CCDC124: variants seen among roughly 807,000 people sequenced by gnomAD.
The protein encoded by CCDC124 is coiled-coil domain containing 124, also known as coiled-coil domain-containing protein 124.
In CCDC124, 9 loss-of-function variants were observed where a neutral mutation model predicts 19.8. That is an observed-to-expected ratio of 0.45 (90% CI 0.27 to 0.79). The LOEUF is 0.79. CCDC124 is among the 30% of genes least tolerant of loss of function. The pLI is 0.14. For missense variants in CCDC124, 285 were observed against 319.0 expected (o/e 0.89, Z 0.81); for synonymous variants, 126 against 131.3 (o/e 0.96, Z 0.27).
At chr19:17,938,665 C>A (rs2031113235) in intron 2 of CCDC124, among the ~76,000 whole-genome samples, 1 of 152,116 alleles carries the variant, frequency 6.6e-6, no homozygotes, top group Non-Finnish European at 1.5e-5. Context: ...GATCACAGCT[C>A]AATGCAGTCT....
At chr19:17,941,570 G>A (rs1290151484) in intron 2 of CCDC124, among the ~76,000 whole-genome samples, 5 of 151,764 alleles carry the variant, frequency 3.3e-5, no homozygotes, top group Admixed American at 6.6e-5. Context: ...CGCATCGGTC[G>A]GGGAGCCTCG....
In CCDC124 at chr19:17,942,424, C is replaced by G. The variant is rs1474574855; in HGVS notation, c.160-232C>G. Among the ~76,000 whole-genome samples, 1 of 152,204 alleles carries G rather than the reference C, an allele frequency of 6.6e-6. No homozygotes were observed. Among genetic ancestry groups the G allele is most frequent in the Non-Finnish European group, 1.5e-5 (1 of 68,028 alleles). Reference sequence around the variant, plus strand: ...CCCCCTTGGCCGGCGCTCTTCGCACCTAGGAGCGTCACTTCTTCAAGAGCC... The same window carrying G: ...CCCCCTTGGCCGGCGCTCTTCGCACGTAGGAGCGTCACTTCTTCAAGAGCC... On this transcript the variant is annotated intron_variant, in intron 2 of 4. Transcript: ENST00000445755. This position sits in a 1 kb window ranked among gnomAD's most constrained non-coding sequence, Gnocchi z 4.2.
chr19:17,937,186 CAGG>C (rs2031085318), intron 2 of CCDC124, among the ~76,000 whole-genome samples: 1 of 151,758 alleles, frequency 6.6e-6, no homozygotes, highest in Non-Finnish European at 1.5e-5. Flanking sequence ...GAGGCTGAGG[CAGG>C]AGAATTGCTT....
chr19:17,933,816 C>T (rs1344519082), intron 1 of CCDC124, among the ~76,000 whole-genome samples: 3 of 152,232 alleles, frequency 2.0e-5, no homozygotes, highest in African/African-American at 7.2e-5. Context: ...CTTATTAGGA[C>T]TCTGATTGCA....
At position 17,942,679 on chromosome 19, in the gene CCDC124, C is replaced by G. The variant is rs552971144; in HGVS notation, c.183C>G (p.Leu61=). Residue 61 remains leucine, a synonymous_variant, in exon 3 of 5, where the codon CTC becomes CTG. Coordinates refer to ENST00000445755, the MANE Select transcript of CCDC124 (RefSeq NM_001136203.2). The surrounding 1 kb of genome is among the most constrained non-coding windows in gnomAD (Gnocchi z 4.2). ...AGGAGGAGAAGGAGAAGCGGCGCCT[C>G]GACCAGCTGGAACGTAAGAAGGAGA... is the stretch of plus-strand genomic sequence containing the variant. ...QRKEEKEKRR[L]DQLERKKETQ... 17 of 1,556,278 alleles carry G rather than the reference C, an allele frequency of 1.1e-5. No individual in the cohort carries two copies. The highest frequency in any genetic ancestry group is 1.5e-5 in the Non-Finnish European group (17 of 1,150,046).
intron 1 of CCDC124, among the ~76,000 whole-genome samples, chr19:17,936,039 G>A (rs1020385734): frequency 6.6e-6 from 1 of 152,154 alleles, no homozygotes; most frequent in African/African-American, 2.4e-5. Flanking sequence ...TGACTGGCTG[G>A]GAATACGGGT....
chr19:17,936,847 C>T lies in CCDC124; in HGVS notation c.159+268C>T, dbSNP rs190244842. The T allele has an allele frequency of 5.8e-5, 19 of 329,012 alleles. 1 individual carries two copies. The highest frequency in any genetic ancestry group is 1.9e-4 in the Admixed American group (4 of 21,588). 20.4% of individuals were successfully genotyped at this position (329,012 alleles called of 1,614,324 possible). A position where few individuals can be genotyped will look rare whatever the true frequency, so the allele number is the denominator to read the frequency against. On this transcript the variant is annotated intron_variant, in intron 2 of 4. Transcript: ENST00000445755. ...AATACAAAAATTAACTGCGTGGTGG[C>T]GCACACTTACAGTCCCAGCTACTCT... is the stretch of plus-strand genomic sequence containing the variant.
Position 17,942,703 on chromosome 19 carries a change from G to A in CCDC124, c.207G>A (p.Glu69=). The part of the protein sequence containing the change: ...RRLDQLERKK[E]TQRLLEEEDS... ...TCGACCAGCTGGAACGTAAGAAGGA[G>A]ACGCAGCGCCTACTGGAGGAGGAGG... The change falls in exon 3 of 5, where the codon GAG becomes GAA. Residue 69 remains glutamate (E), a synonymous_variant. Transcript: ENST00000445755. This position sits in a 1 kb window ranked among gnomAD's most constrained non-coding sequence, Gnocchi z 4.2. The A allele has an allele frequency of 6.4e-7, 1 of 1,555,164 alleles. No homozygotes were observed. The highest frequency in any genetic ancestry group is 8.7e-7 in the Non-Finnish European group (1 of 1,149,390).
Position 17,942,753 on chromosome 19 carries a change from C to T in CCDC124, c.257C>T (p.Ala86Val), listed in dbSNP as rs2031213294. Residue 86 changes from alanine to valine, a missense_variant, in exon 3 of 5, where the codon GCG becomes GTG. By Grantham distance (64) the Ala-to-Val change is moderately conservative (BLOSUM62 0). Transcript: ENST00000445755. The surrounding 1 kb of genome is among the most constrained non-coding windows in gnomAD (Gnocchi z 4.2). ...GACTCCAAGCTCAAGGGCGGCAAGG[C>T]GCCGCGGGTGGCCACGTCCAGCAAG... Reference protein sequence around the residue: ...EEDSKLKGGKAPRVATSSKVT... With the variant: ...EEDSKLKGGKVPRVATSSKVT... 8 of 1,548,878 alleles carry T rather than the reference C, an allele frequency of 5.2e-6. No individual in the cohort carries two copies. Among genetic ancestry groups the T allele is most frequent in the Non-Finnish European group, 7.0e-6 (8 of 1,146,768 alleles).
chr19:17,943,184 A>C (rs1345669461), intron 3 of CCDC124, 77 bp from the exon 4 acceptor site: 10 of 1,194,316 alleles, frequency 8.4e-6, no homozygotes, highest in African/African-American at 1.5e-5. Context: ...TTCTCTTGCC[A>C]GTCTCTATCT....
chr19:17,943,142 C>G lies in CCDC124; in HGVS notation c.350-119C>G, dbSNP rs1335061817. On this transcript the variant is annotated intron_variant, in intron 3 of 4. Transcript: ENST00000445755. Reference sequence around the variant, plus strand: ...AGCTGAAGTCGCGATTCCATCCCCCCTCATCTCTCCCGCCTTCCTCCCGCC... The same window carrying G: ...AGCTGAAGTCGCGATTCCATCCCCCGTCATCTCTCCCGCCTTCCTCCCGCC... 2.4e-5 allele frequency: 21 copies of G among 877,806 alleles called. No homozygotes were observed. In the East Asian group the frequency reaches 5.5e-4, roughly 23 times the overall value. The allele number at this position is 877,806 out of a possible 1,614,324, so 54.4% of individuals were successfully genotyped here.
intron 1 of CCDC124, among the ~76,000 whole-genome samples, chr19:17,934,302 C>T (rs2031011001): frequency 6.6e-6 from 1 of 151,912 alleles, no homozygotes; most frequent in South Asian, 2.1e-4. Flanking sequence ...AGGAGAATTG[C>T]TTGAACCGGG....
In CCDC124 at chr19:17,933,220, C is replaced by G. The variant is rs62119773; in HGVS notation, c.-12+172C>G. On this transcript the variant is annotated intron_variant, in intron 1 of 4. Transcript: ENST00000445755. Reference sequence around the variant, plus strand: ...ACCTAGTTGGGGGCGATGCCCATTTCCAGACTAGACGATTGAAGCCCGACG... The same window carrying G: ...ACCTAGTTGGGGGCGATGCCCATTTGCAGACTAGACGATTGAAGCCCGACG... 6.0e-3 allele frequency among the ~76,000 whole-genome samples: 914 copies of G among 152,308 alleles called. 6 individuals are homozygous for G. The highest frequency in any genetic ancestry group is 9.7e-3 in the Non-Finnish European group (659 of 68,008).
At chr19:17,933,567 T>G (rs1293561484) in intron 1 of CCDC124, among the ~76,000 whole-genome samples, 1 of 152,146 alleles carries the variant, frequency 6.6e-6, no homozygotes, top group Non-Finnish European at 1.5e-5. Flanking sequence ...ACCTCCTCAC[T>G]AACCCCAGAG....
At position 17,942,132 on chromosome 19, in the gene CCDC124, G is replaced by A. The variant is rs2031197042; in HGVS notation, c.160-524G>A. Among the ~76,000 whole-genome samples the A allele has an allele frequency of 1.3e-5, 2 of 152,130 alleles. No individual in the cohort carries two copies. On this transcript the variant is annotated intron_variant, in intron 2 of 4. Transcript: ENST00000445755. This position sits in a 1 kb window ranked among gnomAD's most constrained non-coding sequence, Gnocchi z 4.2. ...CAGTGACCCACGGCAGGGAAACGTG[G>A]ACAGTGCTGCCCGACTCATAAGGGC...
intron 2 of CCDC124, among the ~76,000 whole-genome samples, chr19:17,941,413 G>T (rs906208202): frequency 1.3e-5 from 2 of 151,912 alleles, no homozygotes; most frequent in Non-Finnish European, 2.9e-5. Flanking sequence ...TTGGGAGGCT[G>T]AGGCATGAGA....
At chr19:17,939,170 G>A (rs985227315) in intron 2 of CCDC124, among the ~76,000 whole-genome samples, 8 of 152,088 alleles carry the variant, frequency 5.3e-5, no homozygotes, top group East Asian at 3.9e-4. Context: ...CGAGGCAGGC[G>A]GATCACCTGA....
chr19:17,941,812 C>T (rs539026535), intron 2 of CCDC124, among the ~76,000 whole-genome samples: 2 of 152,238 alleles, frequency 1.3e-5, no homozygotes, highest in South Asian at 2.1e-4. Context: ...CAGGGGGACA[C>T]TGCAGGTGTG....
At position 17,942,709 on chromosome 19, in the gene CCDC124, G is replaced by A; in HGVS notation, c.213G>A (p.Gln71=). ...LDQLERKKET[Q]RLLEEEDSKL... is the part of the protein sequence containing the mutation. ...AGCTGGAACGTAAGAAGGAGACGCAGCGCCTACTGGAGGAGGAGGACTCCA... is the reference window on the plus strand; with the variant it reads ...AGCTGGAACGTAAGAAGGAGACGCAACGCCTACTGGAGGAGGAGGACTCCA... The change falls in exon 3 of 5, where the codon CAG becomes CAA. Residue 71 remains glutamine, a synonymous_variant. Transcript: ENST00000445755. This position sits in a 1 kb window ranked among gnomAD's most constrained non-coding sequence, Gnocchi z 4.2. 1 of 1,554,122 alleles carries A rather than the reference G, an allele frequency of 6.4e-7. No individual in the cohort carries two copies. The highest frequency in any genetic ancestry group is 8.7e-7 in the Non-Finnish European group (1 of 1,148,840).
Sources: gnomAD v4.1 joint callset for allele counts (sites outside exome capture counted in the v4.1 genomes callset) on GRCh38, gnomAD v4.1.1 for gene constraint, Gnocchi (gnomAD v3.1) non-coding constraint, MANE v1.5 for transcripts, NCBI Gene and HGNC (gene_info 2026-07-23, HGNC 2026-07-21) for gene names.